Variants in TRPS1 observed in about 807,000 individuals in gnomAD.
TRPS1 encodes the protein transcriptional repressor GATA binding 1.
A neutral mutation model predicts 101.2 loss-of-function variants in TRPS1; 6 were observed. The observed-to-expected ratio is 0.06, with a 90% CI of 0.03 to 0.12. The LOEUF is 0.12. Among genes scored for constraint, TRPS1 ranks in the 10% least tolerant of loss-of-function variants. TRPS1 has a pLI of 1.00. For synonymous variants in TRPS1, 578 were observed against 589.8 expected, an observed-to-expected ratio of 0.98 and a Z score of 0.29; for missense variants, 1,363 against 1,567.0, an observed-to-expected ratio of 0.87 and a Z score of 2.20.
At chr8:115,642,756 T>G (rs188007968) in intron 1 of TRPS1, among the ~76,000 whole-genome samples, 1 of 151,368 alleles carries the variant, frequency 6.6e-6, no homozygotes, top group African/African-American at 2.4e-5. Context: ...GCAAAAACAT[T>G]AGTAAGTTTA....
At chr8:115,525,646 A>C (rs1815978682) in intron 5 of TRPS1, among the ~76,000 whole-genome samples, 1 of 152,228 alleles carries the variant, frequency 6.6e-6, no homozygotes, top group Non-Finnish European at 1.5e-5. Context: ...GAGAGTGGTT[A>C]GAAACAAAGC....
At chr8:115,667,452 G>C (rs976668481) in intron 1 of TRPS1, among the ~76,000 whole-genome samples, 2 of 152,194 alleles carry the variant, frequency 1.3e-5, no homozygotes, top group African/African-American at 4.8e-5. Flanking sequence ...TCCCAAACAG[G>C]AACCAGACAG....
Position 115,413,871 on chromosome 8 carries a change from C to T in TRPS1, c.*152G>A, listed in dbSNP as rs1812846232. ...TTTTTAATCTTGGTAACCTACTCAT[C>T]AAAAGAAAGAATAACAAAAGAAGGG... On this transcript the variant is annotated 3_prime_UTR_variant, in exon 7 of 7. Coordinates refer to ENST00000395715, the MANE Select transcript of TRPS1 (RefSeq NM_014112.5). 1.3e-6 allele frequency: 1 copy of T among 754,054 alleles called. No individual in the cohort carries two copies. Among genetic ancestry groups the T allele is most frequent in the African/African-American group, 1.8e-5 (1 of 56,236 alleles). The allele number at this position is 754,054 out of a possible 1,614,324, so 46.7% of individuals were successfully genotyped here. A position where few individuals can be genotyped will look rare whatever the true frequency, so the allele number is the denominator to read the frequency against.
At chr8:115,562,791 G>C (rs997135121) in intron 5 of TRPS1, among the ~76,000 whole-genome samples, 1 of 151,788 alleles carries the variant, frequency 6.6e-6, no homozygotes, top group Non-Finnish European at 1.5e-5. Context: ...TCAAAGGAGA[G>C]ATGGCACATA....
At chr8:115,449,115 C>T (rs1405459543) in intron 5 of TRPS1, among the ~76,000 whole-genome samples, 1 of 152,062 alleles carries the variant, frequency 6.6e-6, no homozygotes, top group African/African-American at 2.4e-5. Context: ...ATATTAGTCA[C>T]AATTATTACA....
At chr8:115,500,061 G>A (rs536483440) in intron 5 of TRPS1, among the ~76,000 whole-genome samples, 9 of 150,892 alleles carry the variant, frequency 6.0e-5, no homozygotes, top group South Asian at 2.1e-4. Context: ...ACGCGATCTC[G>A]CTCTATCACC....
rs529759812 is a variant in TRPS1 at position 115,523,674 on chromosome 8, T to C, written c.2700+63327A>G. On this transcript the variant is annotated intron_variant, in intron 5 of 6. Coordinates refer to ENST00000395715, the MANE Select transcript of TRPS1 (RefSeq NM_014112.5). ...TTCTCTGTAGTCCGAGGCTTTAATA[T>C]ATCGCAAAGCCAACCTGAAACAAAA... Among the ~76,000 whole-genome samples, 5 of 152,306 alleles carry C rather than the reference T, an allele frequency of 3.3e-5. No homozygotes were observed. The South Asian group carries it at 8.3e-4, about 25-fold the overall frequency.
chr8:115,549,671 TAAAAAAAA>T (rs36083510), intron 5 of TRPS1, among the ~76,000 whole-genome samples: 1 of 114,138 alleles, frequency 8.8e-6, no homozygotes, highest in African/African-American at 3.2e-5. Context: ...AATACTCTAT[TAAAAAAAA>T]AAAAAAAAAC....
chr8:115,427,644 C>T (rs1443702847), intron 5 of TRPS1, among the ~76,000 whole-genome samples: 1 of 151,990 alleles, frequency 6.6e-6, no homozygotes, highest in Non-Finnish European at 1.5e-5. Context: ...GGAATTTTTA[C>T]CAAAAATATT....
At chr8:115,583,420 C>A (rs969693092) in intron 5 of TRPS1, among the ~76,000 whole-genome samples, 1 of 151,966 alleles carries the variant, frequency 6.6e-6, no homozygotes, top group African/African-American at 2.4e-5. Context: ...ACATGTTAAC[C>A]TCTTCACAGA....
chr8:115,494,726 C>T (rs1815107415), intron 5 of TRPS1, among the ~76,000 whole-genome samples: 2 of 152,076 alleles, frequency 1.3e-5, no homozygotes, highest in Non-Finnish European at 2.9e-5. Flanking sequence ...ACATTTTAAC[C>T]TCTTGATGAA....
rs556301311 is a variant in TRPS1, at chr8:115,608,811, C to G, written c.967-3809G>C. ...TTCATATATTTTTCTCAGCATTTCACTAATTTATTTGTAATTAACTGAAAT... is the reference window on the plus strand; with the variant it reads ...TTCATATATTTTTCTCAGCATTTCAGTAATTTATTTGTAATTAACTGAAAT... On this transcript the variant is annotated intron_variant, in intron 3 of 6. Coordinates refer to ENST00000395715, the MANE Select transcript of TRPS1 (RefSeq NM_014112.5). 5.3e-5 allele frequency among the ~76,000 whole-genome samples: 8 copies of G among 151,692 alleles called. No individual in the cohort carries two copies. In the South Asian group the frequency reaches 1.7e-3, roughly 31 times the overall value.
intron 5 of TRPS1, among the ~76,000 whole-genome samples, chr8:115,573,340 CAA>C (rs1817247718): frequency 6.6e-6 from 1 of 152,102 alleles, no homozygotes; most frequent in African/African-American, 2.4e-5. Context: ...TTACTACAAA[CAA>C]AGAGTAAAGC....
chr8:115,611,116 CAA>C (rs752834152), intron 3 of TRPS1, among the ~76,000 whole-genome samples: 34 of 64,944 alleles, frequency 5.2e-4, no homozygotes, highest in Admixed American at 6.5e-4. Flanking sequence ...GACTCCATAT[CAA>C]AAAAAAAAAA....
rs1817569931 is a variant in TRPS1, at chr8:115,586,849, C to T, written c.2700+152G>A. 39 of 1,306,394 alleles carry T rather than the reference C, an allele frequency of 3.0e-5. 1 individual carries two copies. The East Asian group carries it at 8.9e-4, about 30-fold the overall frequency. The allele number at this position is 1,306,394 out of a possible 1,614,324, so 80.9% of individuals were successfully genotyped here. A position where few individuals can be genotyped will look rare whatever the true frequency, so the allele number is the denominator to read the frequency against. On this transcript the variant is annotated intron_variant, in intron 5 of 6. Coordinates refer to ENST00000395715, the MANE Select transcript of TRPS1 (RefSeq NM_014112.5). ...CACACAAACACACATGAGTTACTTG[C>T]TGCCACTTTGGCCTTAGGAGTATAA...
chr8:115,443,469 T>G (rs1297457672), intron 5 of TRPS1, among the ~76,000 whole-genome samples: 1 of 152,194 alleles, frequency 6.6e-6, no homozygotes, highest in Non-Finnish European at 1.5e-5. Context: ...TCTGCTCGGT[T>G]CTCATCAGCA....
At chr8:115,512,959 C>G (rs906277313) in intron 5 of TRPS1, among the ~76,000 whole-genome samples, 1 of 151,574 alleles carries the variant, frequency 6.6e-6, no homozygotes. Flanking sequence ...GGCATGGGAC[C>G]TGTTCTTAAG....
intron 3 of TRPS1, among the ~76,000 whole-genome samples, chr8:115,617,380 A>G (rs566233378): frequency 6.6e-6 from 1 of 152,320 alleles, no homozygotes; most frequent in South Asian, 2.1e-4. Context: ...ATCACTGCCC[A>G]GGAAAAGTGT....
At position 115,413,798 on chromosome 8, in the gene TRPS1, G is replaced by A; in HGVS notation, c.*225C>T. Reference sequence around the variant, plus strand: ...GTTTTGACTTAACAGGTTTTAAAAAGTGATTGTTTACCATCTTCCATTCTT... The same window carrying A: ...GTTTTGACTTAACAGGTTTTAAAAAATGATTGTTTACCATCTTCCATTCTT... On this transcript the variant is annotated 3_prime_UTR_variant, in exon 7 of 7. Transcript: ENST00000395715. 1.8e-6 allele frequency: 1 copy of A among 547,856 alleles called. No individual in the cohort carries two copies. The highest frequency in any genetic ancestry group is 2.3e-5 in the South Asian group (1 of 42,956). 33.9% of individuals were successfully genotyped at this position (547,856 alleles called of 1,614,324 possible).
Sources: allele counts gnomAD v4.1 joint callset (sites outside exome capture counted in the v4.1 genomes callset), GRCh38; gene constraint gnomAD v4.1.1; transcripts MANE v1.5; gene names NCBI Gene and HGNC (gene_info 2026-07-23, HGNC 2026-07-21).